Variants in SLC22A25 observed in about 807,000 individuals in gnomAD.
SLC22A25 encodes the protein solute carrier family 22 member 25.
In SLC22A25, 44 loss-of-function variants were observed where a neutral mutation model predicts 45.9. The observed-to-expected ratio is 0.96, with a 90% CI of 0.75 to 1.23. SLC22A25 has a LOEUF of 1.23. Ranked by LOEUF, SLC22A25 falls within the 50% of genes most tolerant of loss-of-function variation. The pLI is 0.00. For synonymous variants in SLC22A25, 283 were observed against 238.6 expected (o/e 1.19, Z -1.72); for missense variants, 800 against 666.4 (o/e 1.20, Z -2.21).
chr11:63,196,188 G>A (rs1045560998), intron 7 of SLC22A25, among the ~76,000 whole-genome samples: 1 of 152,164 alleles, frequency 6.6e-6, no homozygotes, highest in Non-Finnish European at 1.5e-5. Flanking sequence ...AGAGGAGCTG[G>A]TACCATTTCT....
Position 63,229,758 on chromosome 11 carries a change from A to T in SLC22A25, c.-106T>A. 8.5e-7 allele frequency: 1 copy of T among 1,180,394 alleles called. No individual in the cohort carries two copies. The highest frequency in any genetic ancestry group is 1.2e-6 in the Non-Finnish European group (1 of 868,464). The allele number at this position is 1,180,394 out of a possible 1,614,324, so 73.1% of individuals were successfully genotyped here. A position where few individuals can be genotyped will look rare whatever the true frequency, so the allele number is the denominator to read the frequency against. On this transcript the variant is annotated 5_prime_UTR_variant, in exon 4 of 12. Coordinates refer to ENST00000306494, the MANE Select transcript of SLC22A25 (RefSeq NM_199352.6). ...TAAATCACACTAAGTGTGTGTGTTGATCCTGACCCCACTCTCTTCTTAATG... is the reference window on the plus strand; with the variant it reads ...TAAATCACACTAAGTGTGTGTGTTGTTCCTGACCCCACTCTCTTCTTAATG...
At chr11:63,168,508 C>A (rs2087763768) in intron 9 of SLC22A25, among the ~76,000 whole-genome samples, 1 of 152,154 alleles carries the variant, frequency 6.6e-6, no homozygotes, top group South Asian at 2.1e-4. Context: ...AGCACGAGAA[C>A]TTTGTGAAGC....
chr11:63,220,711 A>G (rs1022425116), intron 5 of SLC22A25, among the ~76,000 whole-genome samples: 1 of 152,066 alleles, frequency 6.6e-6, no homozygotes, highest in African/African-American at 2.4e-5. Flanking sequence ...ACTAGGTCTT[A>G]TTCATTCTTT....
At chr11:63,226,929 C>CA (rs2089974033) in intron 5 of SLC22A25, among the ~76,000 whole-genome samples, 1 of 152,180 alleles carries the variant, frequency 6.6e-6, no homozygotes. Context: ...CCAATACCGC[C>CA]ACAGGCCCAT....
chr11:63,189,893 A>G (rs2088729987), intron 7 of SLC22A25, among the ~76,000 whole-genome samples: 1 of 152,214 alleles, frequency 6.6e-6, no homozygotes, highest in Non-Finnish European at 1.5e-5. Flanking sequence ...TCTGGCTTGT[A>G]GAGTTTCTGC....
chr11:63,166,688 A>G, intron 9 of SLC22A25: 2 of 999,946 alleles, frequency 2.0e-6, no homozygotes, highest in Non-Finnish European at 2.4e-6. Context: ...CCACCCTTAC[A>G]ATCAGGAATG....
In SLC22A25 at chr11:63,209,125, C is replaced by T. The variant is rs1168055551; in HGVS notation, c.830+8189G>A. On this transcript the variant is annotated intron_variant, in intron 7 of 11. Transcript: ENST00000306494. ...TACAAAAGACAGGAAATTAATTGGC[C>T]GTGTGTTTAAGGTGGTCACTGGAGT... Among the ~76,000 whole-genome samples the T allele has an allele frequency of 3.9e-5, 6 of 152,060 alleles. No individual in the cohort carries two copies. In the East Asian group the frequency reaches 5.8e-4, roughly 15 times the overall value.
At chr11:63,187,202 T>C (rs558720531) in intron 7 of SLC22A25, among the ~76,000 whole-genome samples, 1 of 151,980 alleles carries the variant, frequency 6.6e-6, no homozygotes, top group East Asian at 1.9e-4. Context: ...CCATTTGTTT[T>C]TATCCTGTTT....
intron 7 of SLC22A25, among the ~76,000 whole-genome samples, chr11:63,202,405 T>G (rs1350749973): frequency 6.6e-6 from 1 of 152,166 alleles, no homozygotes; most frequent in African/African-American, 2.4e-5. Flanking sequence ...TCCACTGGCT[T>G]GAAATTCTCA....
rs548936434 is a variant in SLC22A25 at position 63,220,591 on chromosome 11, T to C, written c.507-2856A>G. On this transcript the variant is annotated intron_variant, in intron 5 of 11. Transcript: ENST00000306494. ...TAGGGTAAATGGGGCACCCATCACCTCAAGCATTTATCCTTTGTGTTACAA... is the reference window on the plus strand; with the variant it reads ...TAGGGTAAATGGGGCACCCATCACCCCAAGCATTTATCCTTTGTGTTACAA... Among the ~76,000 whole-genome samples the C allele has an allele frequency of 2.0e-5, 3 of 152,324 alleles. No individual in the cohort carries two copies. In the East Asian group the frequency reaches 5.8e-4, roughly 29 times the overall value.
At chr11:63,191,527 A>C (rs1478953030) in intron 7 of SLC22A25, among the ~76,000 whole-genome samples, 1 of 152,056 alleles carries the variant, frequency 6.6e-6, no homozygotes, top group Non-Finnish European at 1.5e-5. Flanking sequence ...GCTTCAGCTC[A>C]TGCTCAGTGC....
At chr11:63,234,563 C>A (rs1042932372) in intron 3 of SLC22A25, among the ~76,000 whole-genome samples, 1 of 152,180 alleles carries the variant, frequency 6.6e-6, no homozygotes, top group African/African-American at 2.4e-5. Context: ...CTGAATACAG[C>A]ACACTGATGG....
chr11:63,162,446 T>C lies in SLC22A25; in HGVS notation c.*1378A>G, dbSNP rs1252261360. 1.3e-5 allele frequency among the ~76,000 whole-genome samples: 2 copies of C among 152,150 alleles called. No individual in the cohort carries two copies. The highest frequency in any genetic ancestry group is 1.3e-4 in the Admixed American group (2 of 15,268). The stretch of plus-strand genomic sequence containing the variant: ...TGCATTTTGATTTGATTTTTGTATA[T>C]GGTGAGAGAGTTCTAGTTTTATTCT... On this transcript the variant is annotated 3_prime_UTR_variant, in exon 12 of 12. Coordinates refer to ENST00000306494, the MANE Select transcript of SLC22A25 (RefSeq NM_199352.6).
intron 7 of SLC22A25, among the ~76,000 whole-genome samples, chr11:63,208,592 C>T (rs2089471951): frequency 6.6e-6 from 1 of 152,052 alleles, no homozygotes; most frequent in South Asian, 2.1e-4. Context: ...GGGAGCCTAA[C>T]TAGGCTCACC....
rs755338243 is a variant in SLC22A25, at chr11:63,229,293, C to G, written c.360G>C (p.Trp120Cys). The G allele has an allele frequency of 2.5e-6, 4 of 1,584,396 alleles. No homozygotes were observed. The East Asian group carries it at 6.7e-5, about 27-fold the overall frequency. Residue 120 changes from tryptophan (W) to cysteine (C), a missense_variant, in exon 4 of 12, where the codon TGG (tryptophan) becomes TGC (cysteine). Trp to Cys is a radical substitution (Grantham distance 215). Transcript: ENST00000306494. ...AAGGGAAGGAGCTTTGGTCATATAC[C>G]CAGCCATCCACACAGGGCTCTGTAT... The part of the protein sequence containing the change: ...EPDTEPCVDG[W>C]VYDQSSFPST...
At chr11:63,178,458 A>G (rs375137348) in intron 9 of SLC22A25, among the ~76,000 whole-genome samples, 64 of 147,424 alleles carry the variant, frequency 4.3e-4, no homozygotes, top group African/African-American at 1.3e-3. Flanking sequence ...ATCCCCCTCT[A>G]TATGCATCTT....
intron 5 of SLC22A25, among the ~76,000 whole-genome samples, chr11:63,225,727 GTCTC>G (rs969294503): frequency 6.6e-5 from 10 of 152,002 alleles, no homozygotes; most frequent in African/African-American, 1.9e-4. Context: ...GTCTACCCTT[GTCTC>G]TCTCTCTGCC....
In SLC22A25 at chr11:63,224,337, C is replaced by T. The variant is rs546385716; in HGVS notation, c.506+4124G>A. Among the ~76,000 whole-genome samples the T allele has an allele frequency of 4.6e-5, 7 of 152,130 alleles. No homozygotes were observed. In the East Asian group the frequency reaches 1.4e-3, roughly 29 times the overall value. On this transcript the variant is annotated intron_variant, in intron 5 of 11. Transcript: ENST00000306494. ...AGTCTATGTGTGTATAGATAAGATG[C>T]ATTTCTTGTAGGCAACAGATCATTG...
chr11:63,165,972 G>C (rs1314549856), intron 10 of SLC22A25, 72 bp downstream of exon 10: 4 of 1,540,592 alleles, frequency 2.6e-6, no homozygotes, highest in Non-Finnish European at 2.7e-6. Flanking sequence ...GCTTCAGATA[G>C]GTGTGACCAG....
Sources: allele counts gnomAD v4.1 joint callset (sites outside exome capture counted in the v4.1 genomes callset), GRCh38; gene constraint gnomAD v4.1.1; transcripts MANE v1.5; gene names NCBI Gene and HGNC (gene_info 2026-07-23, HGNC 2026-07-21).